Variants in GRK6 observed in about 807,000 individuals in gnomAD.
GRK6 encodes G protein-coupled receptor kinase 6.
In GRK6, 37 loss-of-function variants were observed where a neutral mutation model predicts 80.8. The observed-to-expected ratio is 0.46, with a 90% CI of 0.35 to 0.60. GRK6 has a LOEUF of 0.60. Ranked by LOEUF, GRK6 falls within the 20% of genes least tolerant of loss-of-function variation. The pLI, the probability that GRK6 is intolerant of heterozygous loss-of-function variation, is 0.00. For synonymous variants in GRK6, 295 were observed against 320.9 expected (o/e 0.92, Z 0.86); for missense variants, 560 against 784.6 (o/e 0.71, Z 3.42).
At chr5:177,441,363 TC>T in intron 15 of GRK6, 1 of 1,312,222 alleles carries the variant, frequency 7.6e-7, no homozygotes. Context: ...CCCGCCCCAC[TC>T]CCCCTGCCCA....
chr5:177,428,692 A>G lies in GRK6; in HGVS notation c.52+1795A>G, dbSNP rs1316770543. Among the ~76,000 whole-genome samples, 1 of 152,190 alleles carries G rather than the reference A, an allele frequency of 6.6e-6. No homozygotes were observed. Among genetic ancestry groups the G allele is most frequent in the Non-Finnish European group, 1.5e-5 (1 of 68,048 alleles). On this transcript the variant is annotated intron_variant, in intron 1 of 15. Transcript: ENST00000355472. This position sits in a 1 kb window ranked among gnomAD's most constrained non-coding sequence, Gnocchi z 4.1. ...TCTGGCCTCCCTAATTGCTGGGATT[A>G]TAGGCATGAGCCACCGCGCCTGGCC...
In GRK6 at chr5:177,442,077, T is replaced by C. The variant is rs569355599; in HGVS notation, c.*287T>C. 7.2e-6 allele frequency: 3 copies of C among 414,926 alleles called. No individual in the cohort carries two copies. The South Asian group carries it at 1.5e-4, about 21-fold the overall frequency. 25.7% of individuals were successfully genotyped at this position (414,926 alleles called of 1,614,324 possible). On this transcript the variant is annotated 3_prime_UTR_variant, in exon 16 of 16. Coordinates refer to ENST00000355472, the MANE Select transcript of GRK6 (RefSeq NM_001004106.3). ...AATGTATATAGCGACCAGAGCATTC[T>C]TAATTCCCGCCGCAGACCTGGCGCC...
chr5:177,427,344 C>T (rs1561650339), intron 1 of GRK6, among the ~76,000 whole-genome samples: 1 of 152,208 alleles, frequency 6.6e-6, no homozygotes, highest in Non-Finnish European at 1.5e-5. Context: ...GTAGCACAGC[C>T]CACCTGACTT....
At chr5:177,439,191 G>T (rs866880390) in intron 13 of GRK6, among the ~76,000 whole-genome samples, 5 of 152,152 alleles carry the variant, frequency 3.3e-5, no homozygotes, top group Admixed American at 1.3e-4. Flanking sequence ...TTTTTTAACA[G>T]CTCTATTGAG....
intron 1 of GRK6, among the ~76,000 whole-genome samples, chr5:177,430,414 T>C (rs943451080): frequency 2.0e-5 from 3 of 152,232 alleles, no homozygotes; most frequent in Non-Finnish European, 2.9e-5. Context: ...ATATCTCTGA[T>C]GTGGGGCCTG....
chr5:177,438,339 C>G lies in GRK6; in HGVS notation c.1404+1809C>G, dbSNP rs542881029. 2.0e-5 allele frequency among the ~76,000 whole-genome samples: 3 copies of G among 152,062 alleles called. No individual in the cohort carries two copies. The East Asian group carries it at 5.8e-4, about 29-fold the overall frequency. On this transcript the variant is annotated intron_variant, in intron 13 of 15. Coordinates refer to ENST00000355472, the MANE Select transcript of GRK6 (RefSeq NM_001004106.3). ...GTTGAGATCGCGCATTGCACTCCAG[C>G]CTGGGCAACAAGAGTGAAACTTCAT...
Position 177,429,636 on chromosome 5 carries a change from T to C in GRK6, c.53-1236T>C, listed in dbSNP as rs956233974. ...TAGGTCGGGGAGTCATCTAGGGACC[T>C]AGCCTTGCCCCCTCCCTAGAAGGCA... On this transcript the variant is annotated intron_variant, in intron 1 of 15. Transcript: ENST00000355472. This position sits in a 1 kb window ranked among gnomAD's most constrained non-coding sequence, Gnocchi z 4.3. Among the ~76,000 whole-genome samples the C allele has an allele frequency of 2.6e-5, 4 of 152,152 alleles. No homozygotes were observed. The highest frequency in any genetic ancestry group is 9.7e-5 in the African/African-American group (4 of 41,426).
chr5:177,433,413 G>A lies in GRK6; in HGVS notation c.597+3G>A, dbSNP rs1763999146. Reference sequence around the variant, plus strand: ...TGGGCAAAGGTGGCTTTGGGGAGGTGAGTGGCCAGGCCAGAGCCCCTGGGA... The same window carrying A: ...TGGGCAAAGGTGGCTTTGGGGAGGTAAGTGGCCAGGCCAGAGCCCCTGGGA... On this transcript the variant is annotated splice_donor_region_variant and intron_variant, in intron 7 of 15. Coordinates refer to ENST00000355472, the MANE Select transcript of GRK6 (RefSeq NM_001004106.3). The A allele has an allele frequency of 6.2e-7, 1 of 1,613,386 alleles. No homozygotes were observed. Among genetic ancestry groups the A allele is most frequent in the East Asian group, 2.2e-5 (1 of 44,860 alleles).
Position 177,432,022 on chromosome 5 carries a change from G to A in GRK6, c.176G>A (p.Arg59Gln), listed in dbSNP as rs777455959. The change falls in exon 3 of 16, where the codon CGG (arginine) becomes CAG (glutamine). Residue 59 changes from arginine (R) to glutamine (Q), a missense_variant. Physicochemically the swap from Arg to Gln is conservative, Grantham distance 43 (BLOSUM62 1). Transcript: ENST00000355472. ...CGTGACTATCACAGCCTGTGCGAGC[G>A]GCAGCCCATTGGGCGCCTGCTGTTC... ...LERDYHSLCE[R>Q]QPIGRLLFRE... The A allele has an allele frequency of 4.3e-6, 7 of 1,613,232 alleles. No homozygotes were observed. Among genetic ancestry groups the A allele is most frequent in the South Asian group, 2.2e-5 (2 of 91,088 alleles).
At chr5:177,434,131 G>T in intron 9 of GRK6, 27 bp downstream of exon 9, 1 of 1,516,498 alleles carries the variant, frequency 6.6e-7, no homozygotes, top group South Asian at 1.3e-5. Flanking sequence ...CACCCCAGGG[G>T]CTTAGTCCTT....
chr5:177,436,130 G>C lies in GRK6; in HGVS notation c.1115G>C (p.Gly372Ala). 1 of 1,614,066 alleles carries C rather than the reference G, an allele frequency of 6.2e-7. No homozygotes were observed. Among genetic ancestry groups the C allele is most frequent in the East Asian group, 2.2e-5 (1 of 44,886 alleles). ...TTCAGCCCTGACTGGTGGGCGCTCG[G>C]CTGCCTCCTGTACGAGATGATCGCA... ...YTFSPDWWAL[G>A]CLLYEMIAGQ... Residue 372 changes from glycine (G) to alanine (A), a missense_variant, in exon 12 of 16, where the codon GGC (glycine) becomes GCC (alanine). Gly to Ala is a moderately conservative substitution (Grantham distance 60). Transcript: ENST00000355472.
In GRK6 at chr5:177,426,692, G is replaced by C. The variant is rs1356763419; in HGVS notation, c.-154G>C. ...GGAGGGGGCGGAGAGTGCGCGGCTG[G>C]CTGCGGCGGCCGGGGAGGCCGGGGA... On this transcript the variant is annotated 5_prime_UTR_variant, in exon 1 of 16. Coordinates refer to ENST00000355472, the MANE Select transcript of GRK6 (RefSeq NM_001004106.3). 3.3e-5 allele frequency: 7 copies of C among 214,548 alleles called. No individual in the cohort carries two copies. Among genetic ancestry groups the C allele is most frequent in the Non-Finnish European group, 5.5e-5 (7 of 126,716 alleles). 13.3% of individuals were successfully genotyped at this position (214,548 alleles called of 1,614,324 possible).
At position 177,436,374 on chromosome 5, in the gene GRK6, C is replaced by T. The variant is rs1404182387; in HGVS notation, c.1267-19C>T. ...CACTCACCTGCCTGGCCTGCCTGGC[C>T]GACTCACCCCTGCCACAGCTCCTCT... On this transcript the variant is annotated intron_variant, in intron 12 of 15. Transcript: ENST00000355472. 20 of 1,603,330 alleles carry T rather than the reference C, an allele frequency of 1.2e-5. No homozygotes were observed. The highest frequency in any genetic ancestry group is 2.3e-5 in the East Asian group (1 of 44,310).
chr5:177,433,280 C>G, intron 6 of GRK6, 41 bp downstream of exon 6: 2 of 1,613,514 alleles, frequency 1.2e-6, no homozygotes, highest in African/African-American at 1.3e-5. Flanking sequence ...GCCAGGTCGC[C>G]GGGGTTCTTC....
intron 13 of GRK6, chr5:177,438,778 A>G (rs1004504897): frequency 6.6e-6 from 1 of 152,298 alleles, no homozygotes; most frequent in African/African-American, 2.4e-5. Flanking sequence ...ACTGCCTCAC[A>G]TGGGCCTCAC....
chr5:177,441,105 G>A (rs762171268), intron 15 of GRK6, 52 bp downstream of exon 15: 1 of 1,599,866 alleles, frequency 6.3e-7, no homozygotes, highest in Admixed American at 1.7e-5. Context: ...CCAGGGGACG[G>A]TGGGTGGGAG....
intron 13 of GRK6, among the ~76,000 whole-genome samples, chr5:177,436,915 C>T (rs1207611697): frequency 6.6e-6 from 1 of 152,056 alleles, no homozygotes. Flanking sequence ...TTCCTTCCTT[C>T]GTTCTTTTTT....
At chr5:177,435,616 C>T (rs556621567) in intron 11 of GRK6, among the ~76,000 whole-genome samples, 1 of 152,366 alleles carries the variant, frequency 6.6e-6, no homozygotes, top group Non-Finnish European at 1.5e-5. Context: ...ACTCATCATA[C>T]CTGCCTCCCA....
intron 7 of GRK6, 61 bp downstream of exon 7, chr5:177,433,471 C>A: frequency 6.2e-7 from 1 of 1,611,370 alleles, no homozygotes; most frequent in Non-Finnish European, 8.5e-7. Flanking sequence ...GGGACCTGGA[C>A]CACCCCCTGG....
Sources: allele counts gnomAD v4.1 joint callset (sites outside exome capture counted in the v4.1 genomes callset), GRCh38; gene constraint gnomAD v4.1.1; non-coding constraint Gnocchi (gnomAD v3.1); transcripts MANE v1.5; gene names NCBI Gene and HGNC (gene_info 2026-07-23, HGNC 2026-07-21).